SYT17: variants seen among roughly 807,000 people sequenced by gnomAD.
The protein encoded by SYT17 is synaptotagmin 17.
Under a neutral mutation model 46.7 loss-of-function variants are expected in SYT17, and 22 were observed. The ratio of observed to expected loss-of-function variants is 0.47; its 90% CI spans 0.34 to 0.67. The LOEUF (loss-of-function observed/expected upper bound fraction) is 0.67. SYT17 is among the 30% of genes least tolerant of loss of function. SYT17 has a pLI of 0.01. For synonymous variants in SYT17, 251 were observed against 248.4 expected, an observed-to-expected ratio of 1.01 and a Z score of -0.10; for missense variants, 519 against 612.8, an observed-to-expected ratio of 0.85 and a Z score of 1.62.
intron 5 of SYT17, among the ~76,000 whole-genome samples, chr16:19,197,576 G>T (rs905472409): frequency 6.6e-6 from 1 of 152,056 alleles, no homozygotes; most frequent in Non-Finnish European, 1.5e-5. Flanking sequence ...AGCCTCCTGA[G>T]TAGCTGGGAC....
chr16:19,227,665 G>A (rs1284008982), intron 7 of SYT17, among the ~76,000 whole-genome samples: 1 of 152,146 alleles, frequency 6.6e-6, no homozygotes. Flanking sequence ...TCTCCCTGAA[G>A]TCATGCCTTT....
At chr16:19,213,343 T>C (rs1348238691) in intron 5 of SYT17, among the ~76,000 whole-genome samples, 1 of 152,112 alleles carries the variant, frequency 6.6e-6, no homozygotes, top group Non-Finnish European at 1.5e-5. Context: ...ACTTGGAAAG[T>C]GCGGGAATGC....
At chr16:19,243,158 A>C (rs1967261472) in intron 7 of SYT17, among the ~76,000 whole-genome samples, 1 of 152,178 alleles carries the variant, frequency 6.6e-6, no homozygotes, top group Admixed American at 6.5e-5. Context: ...AAAACAAAGC[A>C]AACAGGTGGG....
chr16:19,248,393 A>G (rs1351314419), intron 7 of SYT17, among the ~76,000 whole-genome samples: 1 of 152,198 alleles, frequency 6.6e-6, no homozygotes, highest in Admixed American at 6.5e-5. Context: ...AGAAACAAAA[A>G]CATATGTCTA....
rs188225060 is a variant in SYT17 at position 19,252,900 on chromosome 16, G to A, written c.1229-13980G>A. ...ATGTGTAGTCCTGCTAAACTCCAGCGTGCATCAGAATCACCCAGAGATTTG... is the reference window on the plus strand; with the variant it reads ...ATGTGTAGTCCTGCTAAACTCCAGCATGCATCAGAATCACCCAGAGATTTG... On this transcript the variant is annotated intron_variant, in intron 7 of 7. Coordinates refer to ENST00000355377, the MANE Select transcript of SYT17 (RefSeq NM_016524.4). Among the ~76,000 whole-genome samples the A allele has an allele frequency of 9.6e-4, 146 of 152,152 alleles. 2 individuals are homozygous for A. The highest frequency in any genetic ancestry group is 9.1e-3 in the Admixed American group (139 of 15,278).
intron 7 of SYT17, among the ~76,000 whole-genome samples, chr16:19,263,752 G>A (rs1969165470): frequency 6.6e-6 from 1 of 151,746 alleles, no homozygotes; most frequent in East Asian, 1.9e-4. Context: ...TCCATCATCT[G>A]ATGAACAGAT....
At chr16:19,172,651 T>TA (rs1555455200) in intron 1 of SYT17, 109 bp from the exon 2 acceptor site, 1 of 1,509,742 alleles carries the variant, frequency 6.6e-7, no homozygotes. Context: ...TTTTTTTTTG[T>TA]AAAATTTTTT....
At position 19,209,801 on chromosome 16, in the gene SYT17, C is replaced by G. The variant is rs1332049519; in HGVS notation, c.952-13244C>G. On this transcript the variant is annotated intron_variant, in intron 5 of 7. Transcript: ENST00000355377. ...GCTGAGGTAGGAGAATGGCGTGAAC[C>G]CGGGAGGCGGAACTTGCAGTGAGCT... 2.6e-5 allele frequency among the ~76,000 whole-genome samples: 4 copies of G among 151,982 alleles called. No homozygotes were observed. The East Asian group carries it at 7.7e-4, about 29-fold the overall frequency.
At chr16:19,261,443 A>G (rs899269510) in intron 7 of SYT17, among the ~76,000 whole-genome samples, 10 of 152,266 alleles carry the variant, frequency 6.6e-5, no homozygotes, top group African/African-American at 2.4e-4. Flanking sequence ...GTGATTCACC[A>G]GCCAAGTTAC....
At chr16:19,236,052 G>A (rs1164827426) in intron 7 of SYT17, among the ~76,000 whole-genome samples, 2 of 152,130 alleles carry the variant, frequency 1.3e-5, no homozygotes, top group Non-Finnish European at 2.9e-5. Context: ...GGAGACAGGC[G>A]ACTCACCCCA....
Position 19,183,637 on chromosome 16 carries a change from C to G in SYT17, c.441C>G (p.Thr147=), listed in dbSNP as rs773948300. 5 of 1,614,090 alleles carry G rather than the reference C, an allele frequency of 3.1e-6. No homozygotes were observed. Among genetic ancestry groups the G allele is most frequent in the Non-Finnish European group, 4.2e-6 (5 of 1,180,044 alleles). The part of the protein sequence containing the change: ...EPIQPSVLRR[T]YNPDDYFRKF... ...TCCAACCTTCGGTGCTCAGACGGAC[C>G]TATAACCCCGACGACTATTTCAGGA... The change falls in exon 5 of 8, where the codon ACC becomes ACG. Residue 147 remains threonine, a synonymous_variant. Coordinates refer to ENST00000355377, the MANE Select transcript of SYT17 (RefSeq NM_016524.4). This position sits in a 1 kb window ranked among gnomAD's most constrained non-coding sequence, Gnocchi z 5.6.
chr16:19,267,002 G>A lies in SYT17; in HGVS notation c.1351G>A (p.Val451Met), dbSNP rs766798976. ...RRMLNTHRTA[V>M]EQWHSLRSRA... ...CATGCTCAACACGCACCGCACAGCCGTGGAGCAGTGGCATAGCCTGAGGTC... is the reference window on the plus strand; with the variant it reads ...CATGCTCAACACGCACCGCACAGCCATGGAGCAGTGGCATAGCCTGAGGTC... The change falls in exon 8 of 8, where the codon GTG becomes ATG. Residue 451 changes from valine to methionine, a missense_variant. Coordinates refer to ENST00000355377, the MANE Select transcript of SYT17 (RefSeq NM_016524.4). 16 of 1,613,526 alleles carry A rather than the reference G, an allele frequency of 9.9e-6. No individual in the cohort carries two copies. The highest frequency in any genetic ancestry group is 4.5e-5 in the East Asian group (2 of 44,856).
intron 5 of SYT17, among the ~76,000 whole-genome samples, chr16:19,201,611 G>A (rs1965467487): frequency 6.6e-6 from 1 of 151,210 alleles, no homozygotes; most frequent in Non-Finnish European, 1.5e-5. Flanking sequence ...CAATAATAGG[G>A]AGGGCTTCTA....
chr16:19,249,341 G>A (rs61167141), intron 7 of SYT17, among the ~76,000 whole-genome samples: 23,579 of 150,694 alleles, frequency 0.16, 2,683 homozygotes, highest in African/African-American at 0.32. Flanking sequence ...AAAGCAGCAG[G>A]CAAGGTACTA....
intron 5 of SYT17, among the ~76,000 whole-genome samples, chr16:19,218,566 C>T (rs773265400): frequency 3.5e-4 from 53 of 152,200 alleles, no homozygotes; most frequent in Non-Finnish European, 6.5e-4. Flanking sequence ...AAAAGGATGA[C>T]TTCAGGAAGT....
intron 7 of SYT17, among the ~76,000 whole-genome samples, chr16:19,250,359 TTGTGTGTGTGTG>T (rs55818940): frequency 3.2e-4 from 43 of 132,566 alleles, no homozygotes; most frequent in African/African-American, 7.1e-4. Context: ...TCAAACATGT[TTGTGTGTGTGTG>T]TGTGTGTGTG....
intron 7 of SYT17, among the ~76,000 whole-genome samples, chr16:19,256,423 T>A (rs1597043062): frequency 7.6e-6 from 1 of 130,984 alleles, no homozygotes; most frequent in African/African-American, 3.0e-5. Flanking sequence ...GGTTGAGGTT[T>A]TAACCCCTCT....
intron 7 of SYT17, among the ~76,000 whole-genome samples, chr16:19,244,295 G>A (rs933341339): frequency 4.6e-5 from 7 of 152,024 alleles, no homozygotes; most frequent in African/African-American, 1.7e-4. Context: ...AGCTGCCAAG[G>A]TTTTGTGGTT....
At chr16:19,179,713 C>G (rs1964470019) in intron 3 of SYT17, among the ~76,000 whole-genome samples, 1 of 152,142 alleles carries the variant, frequency 6.6e-6, no homozygotes, top group South Asian at 2.1e-4. Flanking sequence ...GGGTTCAGCC[C>G]CAGCGGTTCT....
Sources: allele counts gnomAD v4.1 joint callset (sites outside exome capture counted in the v4.1 genomes callset), GRCh38; gene constraint gnomAD v4.1.1; non-coding constraint Gnocchi (gnomAD v3.1); transcripts MANE v1.5; gene names NCBI Gene and HGNC (gene_info 2026-07-23, HGNC 2026-07-21).